Variants in PPTC7 observed in about 807,000 individuals in gnomAD.
PPTC7 encodes the protein protein phosphatase targeting COQ7.
A neutral mutation model predicts 30.8 loss-of-function variants in PPTC7; 6 were observed. That is an observed-to-expected ratio of 0.19 (90% CI 0.11 to 0.38). The LOEUF (loss-of-function observed/expected upper bound fraction) is 0.38, where lower values mean the gene tolerates loss of function less well. Ranked by LOEUF, PPTC7 falls within the 10% of genes least tolerant of loss-of-function variation. PPTC7 has a pLI of 1.00. For missense variants in PPTC7, 218 were observed against 404.8 expected, an observed-to-expected ratio of 0.54 and a Z score of 3.96; for synonymous variants, 163 against 168.1, an observed-to-expected ratio of 0.97 and a Z score of 0.23.
In PPTC7 at chr12:110,572,082, C is replaced by G. The variant is rs561427860; in HGVS notation, c.223+10727G>C. Reference sequence around the variant, plus strand: ...AGCCCAGCCAACCTTTTGCATTTACCTCAAATGACAGCATAGACTAATTTT... The same window carrying G: ...AGCCCAGCCAACCTTTTGCATTTACGTCAAATGACAGCATAGACTAATTTT... On this transcript the variant is annotated intron_variant, in intron 1 of 5. Coordinates refer to ENST00000354300, the MANE Select transcript of PPTC7 (RefSeq NM_139283.2). Among the ~76,000 whole-genome samples the G allele has an allele frequency of 7.2e-5, 11 of 152,264 alleles. No individual in the cohort carries two copies. In the South Asian group the frequency reaches 2.1e-3, roughly 29 times the overall value.
rs540551469 is a variant in PPTC7 at position 110,579,730 on chromosome 12, G to A, written c.223+3079C>T. 2.4e-4 allele frequency among the ~76,000 whole-genome samples: 37 copies of A among 152,248 alleles called. 1 individual carries two copies. The South Asian group carries it at 7.7e-3, about 32-fold the overall frequency. ...TCTATTCAAAGCAAAAGTAAAATAT[G>A]GGCTGGGCGCGGTGGTTCATGCCTG... On this transcript the variant is annotated intron_variant, in intron 1 of 5. Coordinates refer to ENST00000354300, the MANE Select transcript of PPTC7 (RefSeq NM_139283.2).
intron 1 of PPTC7, among the ~76,000 whole-genome samples, chr12:110,569,578 G>C (rs1004516876): frequency 6.6e-6 from 1 of 151,970 alleles, no homozygotes; most frequent in African/African-American, 2.4e-5. Flanking sequence ...GGACTTATAA[G>C]TCACACTGCA....
At chr12:110,582,334 G>C (rs936773266) in intron 1 of PPTC7, among the ~76,000 whole-genome samples, 1 of 151,956 alleles carries the variant, frequency 6.6e-6, no homozygotes, top group Non-Finnish European at 1.5e-5. Context: ...CGGGCTGTCT[G>C]GGGGCTCACG....
At chr12:110,570,197 G>A (rs866538957) in intron 1 of PPTC7, among the ~76,000 whole-genome samples, 57 of 148,130 alleles carry the variant, frequency 3.8e-4, no homozygotes, top group African/African-American at 1.3e-3. Flanking sequence ...TGAAACGTGT[G>A]CTGTGTCAAC....
intron 3 of PPTC7, among the ~76,000 whole-genome samples, chr12:110,543,818 C>G (rs1198951559): frequency 6.6e-6 from 1 of 152,210 alleles, no homozygotes; most frequent in African/African-American, 2.4e-5. Context: ...AGCGAGCTGT[C>G]TCTGGGCTCT....
At chr12:110,564,683 G>A (rs1312844128) in intron 1 of PPTC7, among the ~76,000 whole-genome samples, 2 of 151,460 alleles carry the variant, frequency 1.3e-5, no homozygotes, top group Admixed American at 1.3e-4. Context: ...TCCTTTAAAC[G>A]AGAACATCAT....
At chr12:110,558,797 G>A (rs759400873) in intron 1 of PPTC7, among the ~76,000 whole-genome samples, 28 of 152,024 alleles carry the variant, frequency 1.8e-4, no homozygotes, top group Non-Finnish European at 3.4e-4. Flanking sequence ...TAGTAGAGAC[G>A]GGGTTTCACC....
rs1408636668 is a variant in PPTC7, at chr12:110,536,223, AT to A, written c.*813del. On this transcript the variant is annotated 3_prime_UTR_variant, in exon 6 of 6. Transcript: ENST00000354300. ...GAGGAATTTCAGCCATAACAATTAA[AT>A]TTCTAGGCTTTGAGGGGTTTTACAA... 6 of 152,228 alleles carry A rather than the reference AT, an allele frequency of 3.9e-5. 1 individual carries two copies. The highest frequency in any genetic ancestry group is 3.9e-4 in the Admixed American group (6 of 15,280). 9.4% of individuals were successfully genotyped at this position (152,228 alleles called of 1,614,324 possible). A position where few individuals can be genotyped will look rare whatever the true frequency, so the allele number is the denominator to read the frequency against.
chr12:110,533,326 T>C lies in PPTC7; in HGVS notation c.*3711A>G, dbSNP rs750527903. Reference sequence around the variant, plus strand: ...AGAACTATTCCTGCATAAGTTATAATTCAGACATCCAAATTCAGGTAATTG... The same window carrying C: ...AGAACTATTCCTGCATAAGTTATAACTCAGACATCCAAATTCAGGTAATTG... On this transcript the variant is annotated 3_prime_UTR_variant, in exon 6 of 6. Transcript: ENST00000354300. 2.6e-4 allele frequency: 40 copies of C among 152,166 alleles called. No homozygotes were observed. The highest frequency in any genetic ancestry group is 4.7e-4 in the Non-Finnish European group (32 of 68,030). 9.4% of individuals were successfully genotyped at this position (152,166 alleles called of 1,614,324 possible).
chr12:110,558,702 T>C (rs1005386178), intron 1 of PPTC7, among the ~76,000 whole-genome samples: 2 of 152,218 alleles, frequency 1.3e-5, no homozygotes, highest in Non-Finnish European at 2.9e-5. Flanking sequence ...ATTGGCTCAC[T>C]GCAACCTCCG....
intron 1 of PPTC7, among the ~76,000 whole-genome samples, chr12:110,563,894 G>A (rs1000626338): frequency 2.0e-5 from 3 of 152,214 alleles, no homozygotes; most frequent in African/African-American, 7.2e-5. Context: ...GAAAAGTGCT[G>A]ACATGAGGAT....
In PPTC7 at chr12:110,534,019, T is replaced by C. The variant is rs1272230895; in HGVS notation, c.*3018A>G. The C allele has an allele frequency of 6.6e-6, 1 of 152,148 alleles. No homozygotes were observed. The highest frequency in any genetic ancestry group is 1.5e-5 in the Non-Finnish European group (1 of 68,026). The allele number at this position is 152,148 out of a possible 1,614,324, so 9.4% of individuals were successfully genotyped here. ...TTTGTGATTTAGTACCCAACAACCA[T>C]GTCAAGCAAGTACAGTAACTCAGGA... On this transcript the variant is annotated 3_prime_UTR_variant, in exon 6 of 6. Transcript: ENST00000354300.
In PPTC7 at chr12:110,534,395, G is replaced by A. The variant is rs1357748978; in HGVS notation, c.*2642C>T. On this transcript the variant is annotated 3_prime_UTR_variant, in exon 6 of 6. Transcript: ENST00000354300. ...TTTGTTATAAAAGTCCATTACATGAGGCGTGTGTGTGTGTGTGTGTTGCTT... is the reference window on the plus strand; with the variant it reads ...TTTGTTATAAAAGTCCATTACATGAAGCGTGTGTGTGTGTGTGTGTTGCTT... The A allele has an allele frequency of 6.6e-6, 1 of 151,594 alleles. No individual in the cohort carries two copies. Among genetic ancestry groups the A allele is most frequent in the South Asian group, 2.1e-4 (1 of 4,786 alleles). The allele number at this position is 151,594 out of a possible 1,614,324, so 9.4% of individuals were successfully genotyped here.
At chr12:110,539,796 C>A (rs1349146381) in intron 4 of PPTC7, 26 bp downstream of exon 4, 2 of 1,609,758 alleles carry the variant, frequency 1.2e-6, no homozygotes, top group Admixed American at 1.7e-5. Flanking sequence ...CCACTTTTCC[C>A]AAGAGCTAAC....
At chr12:110,558,688 C>T (rs1005504076) in intron 1 of PPTC7, among the ~76,000 whole-genome samples, 8 of 152,108 alleles carry the variant, frequency 5.3e-5, no homozygotes, top group Admixed American at 5.2e-4. Context: ...TGCAGTGGTG[C>T]GATATTGGCT....
At chr12:110,559,268 G>C (rs1202625717) in intron 1 of PPTC7, among the ~76,000 whole-genome samples, 1 of 151,952 alleles carries the variant, frequency 6.6e-6, no homozygotes, top group Non-Finnish European at 1.5e-5. Context: ...GGGGTCAAGT[G>C]ATCCTCCTGC....
intron 3 of PPTC7, among the ~76,000 whole-genome samples, chr12:110,543,021 A>G (rs898256229): frequency 2.0e-5 from 3 of 152,156 alleles, no homozygotes; most frequent in African/African-American, 7.2e-5. Flanking sequence ...AATCCGCCTT[A>G]ATCTGTAATT....
chr12:110,560,036 A>G (rs2064425466), intron 1 of PPTC7, among the ~76,000 whole-genome samples: 1 of 152,096 alleles, frequency 6.6e-6, no homozygotes. Flanking sequence ...CCAAGAAGAA[A>G]ATTCTTAAGC....
intron 3 of PPTC7, among the ~76,000 whole-genome samples, chr12:110,541,321 GCAGTGAGC>G (rs1485556935): frequency 1.3e-5 from 2 of 151,676 alleles, no homozygotes; most frequent in East Asian, 2.0e-4. Context: ...GATGGAGGTT[GCAGTGAGC>G]CAGTGAGCCA....
Sources: allele counts gnomAD v4.1 joint callset (sites outside exome capture counted in the v4.1 genomes callset), GRCh38; gene constraint gnomAD v4.1.1; transcripts MANE v1.5; gene names NCBI Gene and HGNC (gene_info 2026-07-23, HGNC 2026-07-21).